Variants in NKAIN2 observed in about 807,000 individuals in gnomAD.
NKAIN2 encodes the protein sodium/potassium transporting ATPase interacting 2.
In NKAIN2, 14 loss-of-function variants were observed where a neutral mutation model predicts 32.6. The ratio of observed to expected loss-of-function variants is 0.43; its 90% CI spans 0.28 to 0.67. The LOEUF (loss-of-function observed/expected upper bound fraction) is 0.67. Ranked by LOEUF, NKAIN2 falls within the 30% of genes least tolerant of loss-of-function variation. NKAIN2 has a pLI of 0.17. For missense variants in NKAIN2, 198 were observed against 258.3 expected (o/e 0.77, Z 1.60); for synonymous variants, 80 against 87.2 (o/e 0.92, Z 0.46).
chr6:124,428,538 C>T (rs1303114578), intron 3 of NKAIN2, among the ~76,000 whole-genome samples: 1 of 152,100 alleles, frequency 6.6e-6, no homozygotes, highest in Non-Finnish European at 1.5e-5. Flanking sequence ...TGATGATTCT[C>T]ATTTGTCAGT....
chr6:124,034,523 A>T (rs1328308266), intron 1 of NKAIN2, among the ~76,000 whole-genome samples: 3 of 152,140 alleles, frequency 2.0e-5, no homozygotes, highest in Non-Finnish European at 1.5e-5. Context: ...TCTACCATTA[A>T]TGGGCACATA....
chr6:124,357,006 C>T (rs1799015416), intron 3 of NKAIN2, among the ~76,000 whole-genome samples: 1 of 152,052 alleles, frequency 6.6e-6, no homozygotes, highest in Non-Finnish European at 1.5e-5. Context: ...CTCACTGCTC[C>T]CCATGATGAC....
At chr6:124,341,880 T>C (rs900663151) in intron 2 of NKAIN2, among the ~76,000 whole-genome samples, 4 of 152,320 alleles carry the variant, frequency 2.6e-5, no homozygotes, top group African/African-American at 7.2e-5. Flanking sequence ...TAGACTGCCA[T>C]TGGTCCTAAA....
chr6:124,248,950 T>C (rs1158549256), intron 1 of NKAIN2, among the ~76,000 whole-genome samples: 1 of 152,122 alleles, frequency 6.6e-6, no homozygotes, highest in Non-Finnish European at 1.5e-5. Context: ...CATCCTATTC[T>C]ATACACAGAT....
intron 2 of NKAIN2, among the ~76,000 whole-genome samples, chr6:124,340,777 A>G (rs59217997): frequency 0.01 from 1,534 of 152,254 alleles, 33 homozygotes; most frequent in African/African-American, 0.035. Context: ...ATATAACTTA[A>G]TTTATAATTG....
At chr6:124,313,341 G>A (rs79130171) in intron 2 of NKAIN2, among the ~76,000 whole-genome samples, 330 of 152,058 alleles carry the variant, frequency 2.2e-3, no homozygotes, top group African/African-American at 6.3e-3. Context: ...CATTGCCTTC[G>A]TGCTGTGTCT....
chr6:124,197,835 TG>T (rs1285548062), intron 1 of NKAIN2, among the ~76,000 whole-genome samples: 35 of 105,354 alleles, frequency 3.3e-4, no homozygotes, highest in East Asian at 3.3e-3. Flanking sequence ...AACCTGTGTC[TG>T]GTTTTTTTTT....
At chr6:124,321,144 G>C (rs1278301707) in intron 2 of NKAIN2, among the ~76,000 whole-genome samples, 1 of 152,118 alleles carries the variant, frequency 6.6e-6, no homozygotes, top group Non-Finnish European at 1.5e-5. Flanking sequence ...TAATCTAACC[G>C]TGGCAATCCT....
intron 1 of NKAIN2, among the ~76,000 whole-genome samples, chr6:124,104,805 C>T (rs368107028): frequency 6.6e-4 from 101 of 152,248 alleles, no homozygotes; most frequent in Non-Finnish European, 1.2e-3. Flanking sequence ...ATAATAGCCA[C>T]GGGAGGTCAC....
chr6:123,847,115 G>T (rs1489202653), intron 1 of NKAIN2, among the ~76,000 whole-genome samples: 1 of 152,188 alleles, frequency 6.6e-6, no homozygotes, highest in Non-Finnish European at 1.5e-5. Flanking sequence ...TGTGTCATCT[G>T]TCAATACATA....
chr6:123,863,738 A>G (rs1328338631), intron 1 of NKAIN2, among the ~76,000 whole-genome samples: 2 of 152,182 alleles, frequency 1.3e-5, no homozygotes, highest in African/African-American at 4.8e-5. Context: ...TCTTAGGACA[A>G]CAATGCAGTT....
At chr6:124,792,828 A>G (rs192739099) in intron 5 of NKAIN2, among the ~76,000 whole-genome samples, 2 of 152,288 alleles carry the variant, frequency 1.3e-5, no homozygotes, top group East Asian at 3.9e-4. Context: ...AGAAAATTGG[A>G]AAAACAAGTA....
chr6:124,288,187 T>G (rs1300191476), intron 2 of NKAIN2, among the ~76,000 whole-genome samples: 2 of 152,184 alleles, frequency 1.3e-5, no homozygotes, highest in African/African-American at 4.8e-5. Context: ...TCACATTAAC[T>G]TGACACAACT....
intron 1 of NKAIN2, among the ~76,000 whole-genome samples, chr6:123,855,658 G>T (rs2114967254): frequency 6.6e-6 from 1 of 152,320 alleles, no homozygotes; most frequent in Non-Finnish European, 1.5e-5. Context: ...CATGTCTGGG[G>T]ATAATGGAAA....
At chr6:124,357,297 G>A (rs1799029945) in intron 3 of NKAIN2, among the ~76,000 whole-genome samples, 2 of 152,050 alleles carry the variant, frequency 1.3e-5, no homozygotes, top group Admixed American at 6.6e-5. Flanking sequence ...TCTGTACTGG[G>A]TTTTTCCTCT....
chr6:124,540,975 A>C (rs1368985291), intron 3 of NKAIN2, among the ~76,000 whole-genome samples: 2 of 152,190 alleles, frequency 1.3e-5, no homozygotes, highest in Admixed American at 1.3e-4. Flanking sequence ...TCATGGGCTT[A>C]TCAGGACATA....
chr6:124,612,364 A>C (rs996294572), intron 3 of NKAIN2, among the ~76,000 whole-genome samples: 4 of 152,176 alleles, frequency 2.6e-5, no homozygotes, highest in Admixed American at 6.5e-5. Flanking sequence ...ATCTTACATA[A>C]ATTAAACTCA....
intron 3 of NKAIN2, among the ~76,000 whole-genome samples, chr6:124,530,914 C>T (rs1447334664): frequency 6.6e-6 from 1 of 152,180 alleles, no homozygotes; most frequent in East Asian, 1.9e-4. Flanking sequence ...TCTTTTTGTT[C>T]TATCTGGGCC....
intron 3 of NKAIN2, among the ~76,000 whole-genome samples, chr6:124,530,918 C>T (rs1445175689): frequency 6.6e-6 from 1 of 152,222 alleles, no homozygotes; most frequent in Non-Finnish European, 1.5e-5. Context: ...TTTGTTCTAT[C>T]TGGGCCCTCA....
Sources: allele counts gnomAD v4.1 joint callset (sites outside exome capture counted in the v4.1 genomes callset), GRCh38; gene constraint gnomAD v4.1.1; transcripts MANE v1.5; gene names NCBI Gene and HGNC (gene_info 2026-07-23, HGNC 2026-07-21).